The following MEIKIN variants were observed in gnomAD, a reference collection of about 807,000 sequenced individuals.
MEIKIN encodes meiotic kinetochore factor.
chr5:131,894,210 G>A (rs1300379843), intron 8 of MEIKIN, among the ~76,000 whole-genome samples: 1 of 152,172 alleles, frequency 6.6e-6, no homozygotes, highest in Non-Finnish European at 1.5e-5. Context: ...GACGGTTGTA[G>A]ATGTGTGGTG....
chr5:131,897,093 C>T (rs1342058548), intron 8 of MEIKIN, among the ~76,000 whole-genome samples: 1 of 152,164 alleles, frequency 6.6e-6, no homozygotes, highest in African/African-American at 2.4e-5. Context: ...GACAAAATCT[C>T]TCAGCATTTG....
intron 11 of MEIKIN, among the ~76,000 whole-genome samples, chr5:131,845,253 G>C (rs1219770392): frequency 8.7e-6 from 1 of 114,706 alleles, no homozygotes. Flanking sequence ...CTGGGTGACA[G>C]AGCGAGAAGA....
chr5:131,888,782 G>C (rs1750848875), intron 8 of MEIKIN, among the ~76,000 whole-genome samples: 2 of 152,150 alleles, frequency 1.3e-5, no homozygotes, highest in African/African-American at 4.8e-5. Flanking sequence ...TGAAGTCCTT[G>C]CCCATGCCTA....
chr5:131,891,228 T>C (rs896395494), intron 8 of MEIKIN, among the ~76,000 whole-genome samples: 4 of 152,184 alleles, frequency 2.6e-5, no homozygotes, highest in African/African-American at 7.2e-5. Context: ...AGATGTCTAT[T>C]AGGTGCGCTT....
chr5:131,869,681 A>C (rs905126415), intron 9 of MEIKIN, among the ~76,000 whole-genome samples: 1 of 152,202 alleles, frequency 6.6e-6, no homozygotes, highest in South Asian at 2.1e-4. Flanking sequence ...AACATTTACT[A>C]TGAAGACCTG....
At chr5:131,871,487 C>G (rs578130625) in intron 9 of MEIKIN, among the ~76,000 whole-genome samples, 8 of 152,220 alleles carry the variant, frequency 5.3e-5, no homozygotes, top group Non-Finnish European at 8.8e-5. Context: ...ATTAGGTAAA[C>G]AAAGCGGCTG....
At chr5:131,843,379 G>A (rs942503838) in intron 11 of MEIKIN, among the ~76,000 whole-genome samples, 2 of 152,140 alleles carry the variant, frequency 1.3e-5, no homozygotes, top group African/African-American at 4.8e-5. Context: ...CACCTGGTCA[G>A]GCCACAAATT....
At chr5:131,887,449 T>G (rs943991150) in intron 8 of MEIKIN, among the ~76,000 whole-genome samples, 3 of 152,172 alleles carry the variant, frequency 2.0e-5, no homozygotes, top group Admixed American at 2.0e-4. Flanking sequence ...TAATTTACAC[T>G]CCCACCAACA....
At chr5:131,925,563 G>A (rs1402476094) in intron 5 of MEIKIN, among the ~76,000 whole-genome samples, 3 of 152,032 alleles carry the variant, frequency 2.0e-5, no homozygotes, top group Non-Finnish European at 4.4e-5. Flanking sequence ...TTTTCAGGTA[G>A]TTTATTGCTA....
At chr5:131,886,731 A>T (rs1405198437) in intron 8 of MEIKIN, among the ~76,000 whole-genome samples, 2 of 152,220 alleles carry the variant, frequency 1.3e-5, no homozygotes, top group African/African-American at 4.8e-5. Flanking sequence ...ACTCATTGGT[A>T]ATAATGAGGT....
At chr5:131,943,875 T>C (rs745557162) in intron 3 of MEIKIN, among the ~76,000 whole-genome samples, 3 of 152,102 alleles carry the variant, frequency 2.0e-5, no homozygotes, top group Non-Finnish European at 2.9e-5. Flanking sequence ...CTCAGCACTA[T>C]GGGAGGCCGT....
At chr5:131,822,258 T>C (rs917499495) in intron 11 of MEIKIN, among the ~76,000 whole-genome samples, 1 of 152,192 alleles carries the variant, frequency 6.6e-6, no homozygotes, top group African/African-American at 2.4e-5. Context: ...TCTATGTTTT[T>C]TCATTGGAGA....
intron 8 of MEIKIN, among the ~76,000 whole-genome samples, chr5:131,899,458 G>A (rs957450341): frequency 6.7e-5 from 10 of 150,284 alleles, no homozygotes; most frequent in African/African-American, 2.4e-4. Flanking sequence ...AATGTCAGGA[G>A]TAAGTCTCTA....
At chr5:131,933,788 A>G (rs1039860233) in intron 4 of MEIKIN, 147 bp from the exon 5 acceptor site, 2 of 380,672 alleles carry the variant, frequency 5.3e-6, no homozygotes, top group Non-Finnish European at 9.3e-6. Context: ...CTAAAAAGGC[A>G]TAATATTTTA....
intron 5 of MEIKIN, among the ~76,000 whole-genome samples, 183 bp downstream of exon 5, chr5:131,933,330 C>T (rs1751719611): frequency 6.6e-6 from 1 of 152,128 alleles, no homozygotes. Context: ...GATCTGAGGG[C>T]TTTTGCTCTA....
chr5:131,916,530 A>C (rs955064594), intron 7 of MEIKIN, among the ~76,000 whole-genome samples: 1 of 152,162 alleles, frequency 6.6e-6, no homozygotes, highest in Non-Finnish European at 1.5e-5. Flanking sequence ...TTGTGTTTTC[A>C]TTTGTGTTCC....
intron 12 of MEIKIN, among the ~76,000 whole-genome samples, chr5:131,810,028 G>A (rs1772923715): frequency 6.6e-6 from 1 of 152,154 alleles, no homozygotes; most frequent in Non-Finnish European, 1.5e-5. Context: ...TTACAGATAG[G>A]AGGCTAAAAT....
At chr5:131,831,535 G>C (rs1317395544) in intron 11 of MEIKIN, among the ~76,000 whole-genome samples, 1 of 152,168 alleles carries the variant, frequency 6.6e-6, no homozygotes, top group African/African-American at 2.4e-5. Context: ...CAGCCGGGGT[G>C]ACAGAGCAAC....
chr5:131,891,238 T>G (rs1254619312), intron 8 of MEIKIN, among the ~76,000 whole-genome samples: 2 of 152,192 alleles, frequency 1.3e-5, no homozygotes, highest in Admixed American at 1.3e-4. Context: ...TAGGTGCGCT[T>G]GGTGCATAGC....
Sources: gnomAD v4.1 joint callset for allele counts (sites outside exome capture counted in the v4.1 genomes callset) on GRCh38, gnomAD v4.1.1 for gene constraint, MANE v1.5 for transcripts, NCBI Gene and HGNC (gene_info 2026-07-23, HGNC 2026-07-21) for gene names.